Variants in CEP128 observed in about 807,000 individuals in gnomAD.
CEP128 encodes centrosomal protein 128.
CEP128 carries 132 observed loss-of-function variants against 156.7 expected under a neutral mutation model. That is an observed-to-expected ratio of 0.84 (90% CI 0.73 to 0.97). The LOEUF is 0.97. Among genes scored for constraint, CEP128 ranks in the 50% least tolerant of loss-of-function variants. The pLI is 0.00. For synonymous variants in CEP128, 469 were observed against 448.9 expected (o/e 1.04, Z -0.57); for missense variants, 1,252 against 1,281.9 (o/e 0.98, Z 0.36).
At chr14:80,885,139 G>A (rs1458588472) in intron 8 of CEP128, among the ~76,000 whole-genome samples, 1 of 152,178 alleles carries the variant, frequency 6.6e-6, no homozygotes, top group East Asian at 1.9e-4. Context: ...GCGGCTTATA[G>A]ATAAAACTCC....
intron 17 of CEP128, among the ~76,000 whole-genome samples, chr14:80,761,201 C>A (rs1024127860): frequency 7.2e-6 from 1 of 138,018 alleles, no homozygotes; most frequent in Non-Finnish European, 1.6e-5. Context: ...TAAGATTTTT[C>A]TTTTTTTTTT....
At chr14:80,523,555 T>C (rs1364152039) in intron 23 of CEP128, among the ~76,000 whole-genome samples, 2 of 152,216 alleles carry the variant, frequency 1.3e-5, no homozygotes, top group African/African-American at 2.4e-5. Context: ...ATCCAATAAA[T>C]GTTTGATTAA....
At position 80,580,412 on chromosome 14, in the gene CEP128, C is replaced by T. The variant is rs1891539510; in HGVS notation, c.2818G>A (p.Glu940Lys). ...ATTTCTTCATCTTTTCTTTGGGTCT[C>T]TTCCAGTAGATCTGTAATAAGAAAG... is the stretch of plus-strand genomic sequence containing the variant. ...IHREKRDLLE[E>K]TQRKDEEMGS... Residue 940 changes from glutamate to lysine, a missense_variant, in exon 20 of 25, where the codon GAG becomes AAG. Coordinates refer to ENST00000555265, the MANE Select transcript of CEP128 (RefSeq NM_152446.5). The T allele has an allele frequency of 6.3e-7, 1 of 1,597,066 alleles. No homozygotes were observed. The highest frequency in any genetic ancestry group is 8.6e-7 in the Non-Finnish European group (1 of 1,166,466).
Position 80,720,827 on chromosome 14 carries a change from T to C in CEP128, c.2806+22248A>G, listed in dbSNP as rs72690963. 1.9e-3 allele frequency among the ~76,000 whole-genome samples: 295 copies of C among 152,314 alleles called. 1 individual carries two copies. The Middle Eastern group carries it at 0.02, about 11-fold the overall frequency. On this transcript the variant is annotated intron_variant, in intron 19 of 24. Transcript: ENST00000555265. Reference sequence around the variant, plus strand: ...ACCTTGACTTGATCAGAATATTTACTAGCCTCTATATTCTAAACCAAAAAT... The same window carrying C: ...ACCTTGACTTGATCAGAATATTTACCAGCCTCTATATTCTAAACCAAAAAT...
intron 13 of CEP128, among the ~76,000 whole-genome samples, chr14:80,800,764 C>T (rs1472433966): frequency 6.6e-6 from 1 of 152,134 alleles, no homozygotes; most frequent in East Asian, 1.9e-4. Context: ...ATGTTAAAGA[C>T]ACTAGGTTAG....
Position 80,549,065 on chromosome 14 carries a change from T to C in CEP128, c.2880+10214A>G, listed in dbSNP as rs922895886. Among the ~76,000 whole-genome samples, 11 of 152,262 alleles carry C rather than the reference T, an allele frequency of 7.2e-5. No homozygotes were observed. The East Asian group carries it at 2.1e-3, about 29-fold the overall frequency. On this transcript the variant is annotated intron_variant, in intron 21 of 24. Coordinates refer to ENST00000555265, the MANE Select transcript of CEP128 (RefSeq NM_152446.5). ...GCTTAACCCTTTGAAGATATCCCCATTGTTGGAAAACGTACATAGCTTAAT... is the reference window on the plus strand; with the variant it reads ...GCTTAACCCTTTGAAGATATCCCCACTGTTGGAAAACGTACATAGCTTAAT...
chr14:80,838,479 C>A lies in CEP128; in HGVS notation c.850-201G>T, dbSNP rs11845100. ...GTGAATCGTATAACATAAAGTGAAC[C>A]AGACCAGGCCTCAGGAAGTCTGGGA... On this transcript the variant is annotated intron_variant, in intron 10 of 24. Transcript: ENST00000555265. Among the ~76,000 whole-genome samples the A allele has an allele frequency of 3.5e-3, 526 of 152,068 alleles. 1 individual carries two copies. Among genetic ancestry groups the A allele is most frequent in the African/African-American group, 0.012 (479 of 41,446 alleles).
chr14:80,792,201 G>A (rs1901743501), intron 14 of CEP128, among the ~76,000 whole-genome samples: 1 of 152,086 alleles, frequency 6.6e-6, no homozygotes. Flanking sequence ...CTATCAAAAG[G>A]GCATAAAAGC....
chr14:80,488,672 G>A (rs1887226501), downstream of CEP128, among the ~76,000 whole-genome samples: 2 of 152,078 alleles, frequency 1.3e-5, no homozygotes, highest in South Asian at 4.1e-4. Flanking sequence ...TTGCTATAAA[G>A]ACACATGCAC....
At chr14:80,567,246 T>G (rs1176991202) in intron 20 of CEP128, among the ~76,000 whole-genome samples, 1 of 152,186 alleles carries the variant, frequency 6.6e-6, no homozygotes, top group Non-Finnish European at 1.5e-5. Flanking sequence ...ACCATTATAC[T>G]TCAGTTTTGA....
At chr14:80,820,359 A>AT (rs779345213) in intron 13 of CEP128, among the ~76,000 whole-genome samples, 3 of 152,246 alleles carry the variant, frequency 2.0e-5, no homozygotes, top group Non-Finnish European at 4.4e-5. Flanking sequence ...CTGAATGATC[A>AT]TATCTTCCTC....
At chr14:80,903,662 A>AG (rs1390612313) in intron 6 of CEP128, among the ~76,000 whole-genome samples, 1 of 152,038 alleles carries the variant, frequency 6.6e-6, no homozygotes, top group East Asian at 1.9e-4. Flanking sequence ...GCGAAAAAAA[A>AG]AAAAATTTAA....
chr14:80,580,255 T>C, intron 20 of CEP128, 119 bp downstream of exon 20: 2 of 615,096 alleles, frequency 3.3e-6, no homozygotes, highest in Non-Finnish European at 5.6e-6. Flanking sequence ...TTTATAGTTC[T>C]GACATTGTCC....
intron 8 of CEP128, among the ~76,000 whole-genome samples, chr14:80,880,881 AATAAT>A (rs1888509918): frequency 2.9e-5 from 4 of 138,048 alleles, no homozygotes; most frequent in Admixed American, 2.2e-4. Context: ...TAATAATAAT[AATAAT>A]AATAATAATA....
In CEP128 at chr14:80,836,230, T is replaced by C. The variant is rs1886067942; in HGVS notation, c.1032A>G (p.Gln344=). Residue 344 remains glutamine (Q), a synonymous_variant, in exon 12 of 25, where the codon CAA becomes CAG. Transcript: ENST00000555265. ...SKQQSNYQDE[Q]GEDWRFRRGV... is the part of the protein sequence containing the mutation. ...CTCTCCTAAATCTCCAGTCCTCCCC[T>C]TGTTCATCCTGATAGTTTGACTGTT... 1 of 1,613,928 alleles carries C rather than the reference T, an allele frequency of 6.2e-7. No homozygotes were observed. Among genetic ancestry groups the C allele is most frequent in the African/African-American group, 1.3e-5 (1 of 74,930 alleles).
At chr14:80,802,192 T>C (rs979633302) in intron 13 of CEP128, among the ~76,000 whole-genome samples, 4 of 152,078 alleles carry the variant, frequency 2.6e-5, no homozygotes, top group Non-Finnish European at 4.4e-5. Context: ...ACTGGGTATA[T>C]ACTCAAAGGA....
At chr14:80,787,879 C>T (rs1369532266) in intron 14 of CEP128, among the ~76,000 whole-genome samples, 1 of 152,132 alleles carries the variant, frequency 6.6e-6, no homozygotes, top group Non-Finnish European at 1.5e-5. Flanking sequence ...TCACACATAA[C>T]AGTAAGTCCA....
At chr14:80,861,634 C>T (rs1887516291) in intron 9 of CEP128, among the ~76,000 whole-genome samples, 1 of 152,200 alleles carries the variant, frequency 6.6e-6, no homozygotes, top group Middle Eastern at 3.4e-3. Flanking sequence ...GACTGAAAAA[C>T]TGTTCCAGAT....
At chr14:80,711,045 G>A (rs1897383438) in intron 19 of CEP128, among the ~76,000 whole-genome samples, 3 of 151,996 alleles carry the variant, frequency 2.0e-5, no homozygotes, top group African/African-American at 7.2e-5. Flanking sequence ...TAAAAACAAA[G>A]CAGCTTTTTG....
Sources: gnomAD v4.1 joint callset for allele counts (sites outside exome capture counted in the v4.1 genomes callset) on GRCh38, gnomAD v4.1.1 for gene constraint, MANE v1.5 for transcripts, NCBI Gene and HGNC (gene_info 2026-07-23, HGNC 2026-07-21) for gene names.